RAB39A: variants seen among roughly 807,000 people sequenced by gnomAD.
RAB39A encodes the protein RAB39A, member RAS oncogene family.
In RAB39A, 17 loss-of-function variants were observed where a neutral mutation model predicts 20.9. The ratio of observed to expected loss-of-function variants is 0.81; its 90% confidence interval spans 0.56 to 1.22. The LOEUF (loss-of-function observed/expected upper bound fraction) is 1.22. Among genes scored for constraint, RAB39A ranks in the 50% most tolerant of loss-of-function variants. RAB39A has a pLI of 0.00. For missense variants in RAB39A, 234 were observed against 270.5 expected (o/e 0.87, Z 0.95); for synonymous variants, 99 against 103.4 (o/e 0.96, Z 0.26).
intron 1 of RAB39A, among the ~76,000 whole-genome samples, chr11:107,946,478 T>C (rs1364603564): frequency 2.2e-5 from 2 of 91,584 alleles, no homozygotes; most frequent in African/African-American, 8.8e-5. Flanking sequence ...TTTTTTTTTT[T>C]TTTTTTTTTT....
At chr11:107,932,407 G>A (rs1339467068) in intron 1 of RAB39A, among the ~76,000 whole-genome samples, 1 of 152,170 alleles carries the variant, frequency 6.6e-6, no homozygotes, top group Non-Finnish European at 1.5e-5. Flanking sequence ...CCATCATTCA[G>A]TTTCCTTCTT....
At chr11:107,933,168 A>G (rs1861154524) in intron 1 of RAB39A, among the ~76,000 whole-genome samples, 1 of 152,114 alleles carries the variant, frequency 6.6e-6, no homozygotes, top group Admixed American at 6.6e-5. Context: ...TGTTAGCTGT[A>G]GAATGGGAAA....
intron 1 of RAB39A, among the ~76,000 whole-genome samples, chr11:107,940,399 G>T (rs965889740): frequency 1.3e-5 from 2 of 151,926 alleles, no homozygotes; most frequent in African/African-American, 4.8e-5. Flanking sequence ...GAGTAGCTGG[G>T]ACTACAGGCG....
At chr11:107,940,782 C>T (rs1459840908) in intron 1 of RAB39A, among the ~76,000 whole-genome samples, 1 of 152,070 alleles carries the variant, frequency 6.6e-6, no homozygotes, top group Non-Finnish European at 1.5e-5. Context: ...ACCATCCTGG[C>T]CAACGTGGTG....
At chr11:107,932,236 A>G (rs1201290727) in intron 1 of RAB39A, among the ~76,000 whole-genome samples, 1 of 152,188 alleles carries the variant, frequency 6.6e-6, no homozygotes, top group Non-Finnish European at 1.5e-5. Flanking sequence ...AAGGGACAAA[A>G]TCCAAGTGAA....
intron 1 of RAB39A, among the ~76,000 whole-genome samples, chr11:107,936,372 A>C (rs962906230): frequency 3.4e-5 from 5 of 147,298 alleles, no homozygotes; most frequent in African/African-American, 1.0e-4. Flanking sequence ...TGTGTCTCTT[A>C]CTCTTCCATT....
intron 1 of RAB39A, among the ~76,000 whole-genome samples, chr11:107,942,725 A>T (rs1861272189): frequency 6.6e-6 from 1 of 152,144 alleles, no homozygotes; most frequent in South Asian, 2.1e-4. Flanking sequence ...GAACGTTTTC[A>T]GTGCTCTTCC....
At chr11:107,944,464 C>T (rs1290378563) in intron 1 of RAB39A, among the ~76,000 whole-genome samples, 1 of 152,078 alleles carries the variant, frequency 6.6e-6, no homozygotes, top group Non-Finnish European at 1.5e-5. Context: ...AAAATAATCT[C>T]GGCTCAAGGC....
intron 1 of RAB39A, among the ~76,000 whole-genome samples, chr11:107,929,206 C>T (rs764286579): frequency 8.5e-5 from 13 of 152,196 alleles, no homozygotes; most frequent in Non-Finnish European, 1.8e-4. Context: ...CGCCCCTTTT[C>T]CTACCCTAAC....
Position 107,928,631 on chromosome 11 carries a change from G to A in RAB39A, c.63G>A (p.Lys21=). Residue 21 remains lysine, a synonymous_variant, in exon 1 of 2, where the codon AAG becomes AAA. Transcript: ENST00000320578. The surrounding 1 kb of genome is among the most constrained non-coding windows in gnomAD (Gnocchi z 4.9). ...TGATCGGGGACTCCACCGTGGGCAA[G>A]TCCTGCCTCCTGCACCGCTTCACCC... ...LIVIGDSTVG[K]SCLLHRFTQG... 6.2e-7 allele frequency: 1 copy of A among 1,607,782 alleles called. No homozygotes were observed. The highest frequency in any genetic ancestry group is 8.5e-7 in the Non-Finnish European group (1 of 1,175,376).
At position 107,938,205 on chromosome 11, in the gene RAB39A, A is replaced by G. The variant is rs549169512; in HGVS notation, c.227+9410A>G. On this transcript the variant is annotated intron_variant, in intron 1 of 1. Coordinates refer to ENST00000320578, the MANE Select transcript of RAB39A (RefSeq NM_017516.3). Reference sequence around the variant, plus strand: ...TGGTGAAACCCAGTCTCTACTAAAAATACAAAAATTAGCCGGTTATGGTGC... The same window carrying G: ...TGGTGAAACCCAGTCTCTACTAAAAGTACAAAAATTAGCCGGTTATGGTGC... Among the ~76,000 whole-genome samples, 27 of 151,920 alleles carry G rather than the reference A, an allele frequency of 1.8e-4. No homozygotes were observed. In the South Asian group the frequency reaches 5.4e-3, roughly 30 times the overall value.
chr11:107,928,853 C>G lies in RAB39A; in HGVS notation c.227+58C>G. ...GCCCCCTCAGCCCGCCCGGACGCCC[C>G]TTCCCCAGGCGTCCGCCCCGCCGGC... On this transcript the variant is annotated intron_variant, in intron 1 of 1. Coordinates refer to ENST00000320578, the MANE Select transcript of RAB39A (RefSeq NM_017516.3). This position sits in a 1 kb window ranked among gnomAD's most constrained non-coding sequence, Gnocchi z 4.9. 2 of 1,375,108 alleles carry G rather than the reference C, an allele frequency of 1.5e-6. No homozygotes were observed. The highest frequency in any genetic ancestry group is 2.0e-6 in the Non-Finnish European group (2 of 1,023,592). The allele number at this position is 1,375,108 out of a possible 1,614,324, so 85.2% of individuals were successfully genotyped here. A position where few individuals can be genotyped will look rare whatever the true frequency, so the allele number is the denominator to read the frequency against.
chr11:107,942,644 T>C (rs1014735152), intron 1 of RAB39A, among the ~76,000 whole-genome samples: 11 of 152,292 alleles, frequency 7.2e-5, no homozygotes, highest in Middle Eastern at 3.4e-3. Context: ...ATATAATTAA[T>C]GTCCATAGAG....
intron 1 of RAB39A, among the ~76,000 whole-genome samples, chr11:107,940,206 A>AGTAT (rs1861245071): frequency 6.6e-6 from 1 of 152,144 alleles, no homozygotes; most frequent in Non-Finnish European, 1.5e-5. Context: ...AGGTACACAC[A>AGTAT]CAGACACACA....
intron 1 of RAB39A, among the ~76,000 whole-genome samples, chr11:107,958,860 C>T (rs866832723): frequency 2.2e-4 from 33 of 152,166 alleles, no homozygotes; most frequent in African/African-American, 7.7e-4. Flanking sequence ...TGGCTCATGC[C>T]TGTTATCCTA....
chr11:107,934,479 G>GGCGCC (rs1861172498), intron 1 of RAB39A, among the ~76,000 whole-genome samples: 1 of 152,094 alleles, frequency 6.6e-6, no homozygotes, highest in Non-Finnish European at 1.5e-5. Flanking sequence ...GCTCTAAGGA[G>GGCGCC]TATAATTTGG....
At chr11:107,947,104 G>T (rs565762106) in intron 1 of RAB39A, among the ~76,000 whole-genome samples, 8 of 151,702 alleles carry the variant, frequency 5.3e-5, no homozygotes, top group African/African-American at 1.9e-4. Context: ...AATAGAAAAA[G>T]ATGATTTTTT....
intron 1 of RAB39A, among the ~76,000 whole-genome samples, chr11:107,936,983 A>G (rs920369275): frequency 6.6e-6 from 1 of 152,008 alleles, no homozygotes. Flanking sequence ...CCATAATTGC[A>G]TAGGTAACAG....
intron 1 of RAB39A, among the ~76,000 whole-genome samples, chr11:107,946,456 ATATATTTTTTTTTTTTTT>A (rs1252987867): frequency 1.3e-3 from 55 of 43,570 alleles, no homozygotes; most frequent in African/African-American, 4.0e-3. Flanking sequence ...ATATATATAT[ATATATTTTTTTTTTTTTT>A]TTTTTTTTTT....
Sources: allele counts gnomAD v4.1 joint callset (sites outside exome capture counted in the v4.1 genomes callset), GRCh38; gene constraint gnomAD v4.1.1; non-coding constraint Gnocchi (gnomAD v3.1); transcripts MANE v1.5; gene names NCBI Gene and HGNC (gene_info 2026-07-23, HGNC 2026-07-21).